The following TMEM51 variants were observed in gnomAD, a reference collection of about 807,000 sequenced individuals.
The protein encoded by TMEM51 is chromosome 1 open reading frame 72.
TMEM51 carries 8 observed loss-of-function variants against 13.6 expected under a neutral mutation model. The observed-to-expected ratio is 0.59, with a 90% CI of 0.35 to 1.07. TMEM51 has a LOEUF of 1.07. TMEM51 is among the 50% of genes least tolerant of loss of function. The pLI is 0.02. For missense variants in TMEM51, 279 were observed against 330.7 expected, an observed-to-expected ratio of 0.84 and a Z score of 1.21; for synonymous variants, 147 against 144.4, an observed-to-expected ratio of 1.02 and a Z score of -0.13.
At chr1:15,190,776 T>TTTTTTGTTTTGTTTTTG (rs1313636700) in intron 1 of TMEM51, among the ~76,000 whole-genome samples, 5 of 151,854 alleles carry the variant, frequency 3.3e-5, no homozygotes, top group Non-Finnish European at 7.4e-5. Context: ...TGGTTTTTGG[T>TTTTTTGTTTTGTTTTTG]TTTTTGTTTT....
At chr1:15,201,335 A>G (rs532164497) in intron 1 of TMEM51, among the ~76,000 whole-genome samples, 3 of 151,810 alleles carry the variant, frequency 2.0e-5, no homozygotes, top group Admixed American at 2.0e-4. Context: ...TTAAAATTTT[A>G]TAAATAAAAA....
rs189616738 is a variant in TMEM51, at chr1:15,207,829, A to T, written c.-266-2661A>T. On this transcript the variant is annotated intron_variant, in intron 1 of 3. Coordinates refer to ENST00000376008, the MANE Select transcript of TMEM51 (RefSeq NM_001136218.2). This position sits in a 1 kb window ranked among gnomAD's most constrained non-coding sequence, Gnocchi z 4.6. The stretch of plus-strand genomic sequence containing the variant: ...ACAACGGAAATCACATTTATTCTGC[A>T]TATTTTCCTCATGTTGCCGGCAAAT... Among the ~76,000 whole-genome samples the T allele has an allele frequency of 6.6e-6, 1 of 152,364 alleles. No homozygotes were observed. Among genetic ancestry groups the T allele is most frequent in the East Asian group, 1.9e-4 (1 of 5,190 alleles).
intron 1 of TMEM51, among the ~76,000 whole-genome samples, chr1:15,181,108 C>T (rs1643602211): frequency 6.6e-6 from 1 of 152,186 alleles, no homozygotes; most frequent in South Asian, 2.1e-4. Context: ...GCTGTGGGAC[C>T]TTGGACAAGT....
rs1370024517 is a variant in TMEM51 at position 15,215,009 on chromosome 1, A to C, written c.-79A>C. On this transcript the variant is annotated 5_prime_UTR_variant, in exon 3 of 4. Coordinates refer to ENST00000376008, the MANE Select transcript of TMEM51 (RefSeq NM_001136218.2). ...CGAGAGATTTTGTGGAGCGCATTTA[A>C]GGGGTTTTTGTTGTGACTGCTGCCT... The C allele has an allele frequency of 2.6e-5, 35 of 1,325,414 alleles. No homozygotes were observed. Among genetic ancestry groups the C allele is most frequent in the Non-Finnish European group, 3.6e-5 (35 of 964,986 alleles). The allele number at this position is 1,325,414 out of a possible 1,614,324, so 82.1% of individuals were successfully genotyped here.
At chr1:15,200,165 A>G (rs1035554544) in intron 1 of TMEM51, among the ~76,000 whole-genome samples, 11 of 151,970 alleles carry the variant, frequency 7.2e-5, no homozygotes, top group East Asian at 1.9e-4. Context: ...CCCTAATCCA[A>G]TATCACTGGT....
chr1:15,215,034 T>TTC lies in TMEM51; in HGVS notation c.-53_-52insCT. On this transcript the variant is annotated 5_prime_UTR_variant, in exon 3 of 4. Coordinates refer to ENST00000376008, the MANE Select transcript of TMEM51 (RefSeq NM_001136218.2). The stretch of plus-strand genomic sequence containing the variant: ...AGGGGTTTTTGTTGTGACTGCTGCC[T>TTC]TGTATACATTTATTTTCTTTCTTGG... The TTC allele has an allele frequency of 1.3e-6, 2 of 1,519,880 alleles. No homozygotes were observed. Among genetic ancestry groups the TTC allele is most frequent in the South Asian group, 1.2e-5 (1 of 81,558 alleles). The allele number at this position is 1,519,880 out of a possible 1,614,324, so 94.1% of individuals were successfully genotyped here.
At chr1:15,219,192 A>G in intron 3 of TMEM51, 134 bp from the exon 4 acceptor site, 1 of 877,206 alleles carries the variant, frequency 1.1e-6, no homozygotes, top group Non-Finnish European at 1.7e-6. Context: ...TGAAGTATTC[A>G]CTTTTATTGC....
chr1:15,163,794 C>G (rs1642881972), intron 1 of TMEM51, among the ~76,000 whole-genome samples: 1 of 147,348 alleles, frequency 6.8e-6, no homozygotes, highest in Non-Finnish European at 1.5e-5. Flanking sequence ...TTTGTCTACC[C>G]TTCACCCAAC....
chr1:15,201,839 G>A (rs937339053), intron 1 of TMEM51, among the ~76,000 whole-genome samples: 6 of 152,162 alleles, frequency 3.9e-5, no homozygotes, highest in African/African-American at 1.4e-4. Flanking sequence ...CTCAAACGGC[G>A]TCCTAATCTC....
At chr1:15,211,143 A>G (rs1366210652) in intron 2 of TMEM51, among the ~76,000 whole-genome samples, 1 of 152,262 alleles carries the variant, frequency 6.6e-6, no homozygotes, top group Non-Finnish European at 1.5e-5. Context: ...AACTATAAAT[A>G]TCATAATATA....
At chr1:15,178,976 C>T (rs564691120) in intron 1 of TMEM51, among the ~76,000 whole-genome samples, 3 of 152,280 alleles carry the variant, frequency 2.0e-5, no homozygotes, top group South Asian at 2.1e-4. Context: ...CACCCAGAAT[C>T]GGTTCAACTT....
rs1644271447 is a variant in TMEM51, at chr1:15,207,499, A to G, written c.-266-2991A>G. ...ATTTCAGTCGTTGTCTTCACGTTCA[A>G]GTTCATGGAGACTCAATCCAGATGT... On this transcript the variant is annotated intron_variant, in intron 1 of 3. Coordinates refer to ENST00000376008, the MANE Select transcript of TMEM51 (RefSeq NM_001136218.2). This position sits in a 1 kb window ranked among gnomAD's most constrained non-coding sequence, Gnocchi z 4.6. 6.6e-6 allele frequency among the ~76,000 whole-genome samples: 1 copy of G among 152,150 alleles called. No homozygotes were observed. The highest frequency in any genetic ancestry group is 1.5e-5 in the Non-Finnish European group (1 of 68,030).
chr1:15,170,179 G>A (rs1200031016), intron 1 of TMEM51, among the ~76,000 whole-genome samples: 1 of 150,378 alleles, frequency 6.6e-6, no homozygotes, highest in Non-Finnish European at 1.5e-5. Context: ...TTCCATTCTA[G>A]TAAGTCCATT....
intron 1 of TMEM51, among the ~76,000 whole-genome samples, chr1:15,156,063 G>A (rs1383973954): frequency 2.0e-5 from 3 of 152,088 alleles, no homozygotes; most frequent in African/African-American, 7.2e-5. Flanking sequence ...GTAATGTGTG[G>A]CCTTCACTCA....
At chr1:15,154,493 C>T (rs973292585) in intron 1 of TMEM51, among the ~76,000 whole-genome samples, 2 of 152,200 alleles carry the variant, frequency 1.3e-5, no homozygotes, top group African/African-American at 4.8e-5. Context: ...AACTCGAGTC[C>T]TTCCCTGAGC....
At chr1:15,206,384 T>A (rs1265729673) in intron 1 of TMEM51, among the ~76,000 whole-genome samples, 1 of 151,588 alleles carries the variant, frequency 6.6e-6, no homozygotes, top group African/African-American at 2.4e-5. Context: ...GAGGGAAACA[T>A]TTACCTGTCA....
intron 1 of TMEM51, chr1:15,192,458 TTCC>T (rs1485252689): frequency 3.8e-5 from 9 of 233,928 alleles, no homozygotes; most frequent in South Asian, 4.7e-5. Flanking sequence ...TTCTTTTCTT[TTCC>T]TTTTTTTTTA....
intron 1 of TMEM51, among the ~76,000 whole-genome samples, chr1:15,209,937 A>G (rs1461837647): frequency 6.6e-6 from 1 of 152,172 alleles, no homozygotes; most frequent in Non-Finnish European, 1.5e-5. Flanking sequence ...AAGCTAAGGC[A>G]GGAGAATTGT....
rs571848621 is a variant in TMEM51, at chr1:15,213,657, G to A, written c.-193-1238G>A. On this transcript the variant is annotated intron_variant, in intron 2 of 3. Transcript: ENST00000376008. ...AGGACCGCTGGCTGCTCCCTTTAGCGCAGGGTCTCTGGGCTGCTTTGTGGA... is the reference window on the plus strand; with the variant it reads ...AGGACCGCTGGCTGCTCCCTTTAGCACAGGGTCTCTGGGCTGCTTTGTGGA... 2.6e-4 allele frequency among the ~76,000 whole-genome samples: 40 copies of A among 152,174 alleles called. 1 individual carries two copies. Among genetic ancestry groups the A allele is most frequent in the Non-Finnish European group, 5.1e-4 (35 of 68,026 alleles).
Sources: allele counts gnomAD v4.1 joint callset (sites outside exome capture counted in the v4.1 genomes callset), GRCh38; gene constraint gnomAD v4.1.1; non-coding constraint Gnocchi (gnomAD v3.1); transcripts MANE v1.5; gene names NCBI Gene and HGNC (gene_info 2026-07-23, HGNC 2026-07-21).